LRRC37A: variants seen among roughly 807,000 people sequenced by gnomAD.
LRRC37A encodes leucine rich repeat containing 37A, also known as leucine-rich repeat-containing protein 37A.
LRRC37A carries 3 observed loss-of-function variants against 35.4 expected under a neutral mutation model. The ratio of observed to expected loss-of-function variants is 0.08; its 90% CI spans 0.04 to 0.22. The LOEUF (loss-of-function observed/expected upper bound fraction) is 0.22, where lower values mean the gene tolerates loss of function less well. Ranked by LOEUF, LRRC37A falls within the 10% of genes least tolerant of loss-of-function variation. The pLI, the probability that LRRC37A is intolerant of heterozygous loss-of-function variation, is 1.00. For synonymous variants in LRRC37A, 23 were observed against 215.0 expected (o/e 0.11, Z 7.81); for missense variants, 67 against 565.3 (o/e 0.12, Z 8.94).
the LRRC37A span, among the ~76,000 whole-genome samples, chr17:46,261,172 C>T: frequency 6.6e-6 from 1 of 152,142 alleles, no homozygotes; most frequent in East Asian, 1.9e-4. Context: ...AACTTACTTA[C>T]GTAACCAAAC....
chr17:46,291,985 A>AAAAAAAAAAAAAAAAAAAAAAAC (rs1360524355), upstream of LRRC37A, among the ~76,000 whole-genome samples: 1 of 76,670 alleles, frequency 1.3e-5, no homozygotes, highest in Non-Finnish European at 2.8e-5. Context: ...AAAAAAAAAA[A>AAAAAAAAAAAAAAAAAAAAAAAC]AAGCCAATAA....
At chr17:46,253,433 C>T in the LRRC37A span, among the ~76,000 whole-genome samples, 2 of 152,102 alleles carry the variant, frequency 1.3e-5, no homozygotes, top group African/African-American at 4.8e-5. Flanking sequence ...GCCGAGATCA[C>T]GCCACTGCAC....
the LRRC37A span, among the ~76,000 whole-genome samples, chr17:46,279,500 C>CTTTTTTTTTT: frequency 2.4e-5 from 3 of 122,456 alleles, no homozygotes; most frequent in Non-Finnish European, 4.9e-5. Context: ...TTCTTTCTTT[C>CTTTTTTTTTT]TTTTTTTTTT....
chr17:46,257,001 A>G, the LRRC37A span, among the ~76,000 whole-genome samples: 1 of 152,332 alleles, frequency 6.6e-6, no homozygotes, highest in South Asian at 2.1e-4. Context: ...TTTCAACCTT[A>G]TATTAAGAGC....
chr17:46,254,079 G>A, the LRRC37A span, among the ~76,000 whole-genome samples: 4 of 152,212 alleles, frequency 2.6e-5, no homozygotes, highest in African/African-American at 4.8e-5. Flanking sequence ...TGGGGTGTAA[G>A]GACAGTGCCT....
chr17:46,325,491 A>C (rs1414285781), intron 7 of LRRC37A, among the ~76,000 whole-genome samples: 1 of 80,754 alleles, frequency 1.2e-5, no homozygotes, highest in East Asian at 2.4e-4. Flanking sequence ...AGTCTCAAAG[A>C]CTTGTCAGTA....
upstream of LRRC37A, among the ~76,000 whole-genome samples, chr17:46,292,035 T>C (rs2050087025): frequency 7.4e-6 from 1 of 134,380 alleles, no homozygotes; most frequent in Non-Finnish European, 1.6e-5. Context: ...AATGAAATTA[T>C]AGAGCAATTT....
chr17:46,263,108 G>A, the LRRC37A span, among the ~76,000 whole-genome samples: 1 of 152,220 alleles, frequency 6.6e-6, no homozygotes, highest in Middle Eastern at 3.4e-3. Context: ...AGCTACTCTG[G>A]AGGCGAAGGA....
the LRRC37A span, among the ~76,000 whole-genome samples, chr17:46,257,141 T>A: frequency 6.6e-6 from 1 of 152,066 alleles, no homozygotes; most frequent in African/African-American, 2.4e-5. Flanking sequence ...CTCGTACTTA[T>A]GTTGTTATAA....
chr17:46,270,085 G>A, the LRRC37A span, among the ~76,000 whole-genome samples: 70 of 152,276 alleles, frequency 4.6e-4, no homozygotes, highest in African/African-American at 1.1e-3. Context: ...TAAGAAGTAC[G>A]GTGAACAGAG....
the LRRC37A span, among the ~76,000 whole-genome samples, chr17:46,265,924 C>T: frequency 6.6e-6 from 1 of 152,232 alleles, no homozygotes; most frequent in Non-Finnish European, 1.5e-5. Flanking sequence ...CGGTGAAACC[C>T]CGTCTCTGCT....
Position 46,335,559 on chromosome 17 carries a change from A to C in LRRC37A, c.4824A>C (p.Arg1608=), listed in dbSNP as rs1244452211. The change falls in exon 11 of 14, where the codon CGA becomes CGC. Residue 1608 remains arginine, a synonymous_variant. Transcript: ENST00000320254. ...TTCTAAAACAGATATGTTGTCACCG[A>C]AGGTCATTACAAGAAGATGAAGAAG... 2 of 182,720 alleles carry C rather than the reference A, an allele frequency of 1.1e-5. 1 individual carries two copies. The highest frequency in any genetic ancestry group is 3.6e-5 in the African/African-American group (2 of 55,924). The allele number at this position is 182,720 out of a possible 1,614,324, so 11.3% of individuals were successfully genotyped here.
intron 10 of LRRC37A, among the ~76,000 whole-genome samples, chr17:46,333,264 A>C (rs1245848770): frequency 4.8e-5 from 3 of 61,860 alleles, no homozygotes; most frequent in African/African-American, 9.7e-5. Flanking sequence ...TCCTGAGCCT[A>C]TACCCTCTGT....
the LRRC37A span, among the ~76,000 whole-genome samples, chr17:46,277,984 C>T: frequency 4.6e-5 from 7 of 151,510 alleles, 1 homozygote; most frequent in Admixed American, 6.6e-5. Context: ...TCGTTCTTGT[C>T]GCCCAGGCTG....
chr17:46,272,717 G>A, the LRRC37A span, among the ~76,000 whole-genome samples: 6 of 152,196 alleles, frequency 3.9e-5, no homozygotes, highest in African/African-American at 1.4e-4. Flanking sequence ...CACCTGGCCA[G>A]GAATGTGTGT....
chr17:46,263,360 G>A, the LRRC37A span, among the ~76,000 whole-genome samples: 2 of 152,086 alleles, frequency 1.3e-5, no homozygotes, highest in African/African-American at 2.4e-5. Flanking sequence ...AGACCAGTCT[G>A]CCCAACATGG....
the LRRC37A span, chr17:46,266,950 G>C: frequency 6.4e-6 from 1 of 155,912 alleles, no homozygotes; most frequent in East Asian, 2.0e-4. Flanking sequence ...GCGCCGCCGA[G>C]GGCCCCGCCG....
the LRRC37A span, among the ~76,000 whole-genome samples, chr17:46,273,406 G>C: frequency 6.6e-6 from 1 of 152,206 alleles, no homozygotes; most frequent in Non-Finnish European, 1.5e-5. Context: ...TGTACAAAAA[G>C]GAATGGGCTT....
chr17:46,255,232 G>A, the LRRC37A span, among the ~76,000 whole-genome samples: 2 of 152,198 alleles, frequency 1.3e-5, no homozygotes, highest in African/African-American at 4.8e-5. Context: ...GCCTCTCAAT[G>A]TGCTTGGATT....
Sources: gnomAD v4.1 joint callset for allele counts (sites outside exome capture counted in the v4.1 genomes callset) on GRCh38, gnomAD v4.1.1 for gene constraint, MANE v1.5 for transcripts, NCBI Gene and HGNC (gene_info 2026-07-23, HGNC 2026-07-21) for gene names.